The following PKP1 variants were observed in gnomAD, a reference collection of about 807,000 sequenced individuals.
PKP1 encodes plakophilin-1.
In PKP1, 27 loss-of-function variants were observed where a neutral mutation model predicts 76.4. The ratio of observed to expected loss-of-function variants is 0.35; its 90% confidence interval spans 0.26 to 0.49. The LOEUF (loss-of-function observed/expected upper bound fraction) is 0.49. Among genes scored for constraint, PKP1 ranks in the 20% least tolerant of loss-of-function variants. The pLI, the probability that PKP1 is intolerant of heterozygous loss-of-function variation, is 0.99. For missense variants in PKP1, 964 were observed against 955.2 expected (o/e 1.01, Z -0.12); for synonymous variants, 404 against 384.2 (o/e 1.05, Z -0.60).
chr1:201,312,569 C>T (rs1355138922), intron 2 of PKP1, among the ~76,000 whole-genome samples: 1 of 152,226 alleles, frequency 6.6e-6, no homozygotes, highest in Non-Finnish European at 1.5e-5. Flanking sequence ...TGTTCTGCCT[C>T]AGGTGCCGAC....
At chr1:201,323,848 G>A (rs2102184739) in intron 9 of PKP1, among the ~76,000 whole-genome samples, 1 of 152,224 alleles carries the variant, frequency 6.6e-6, no homozygotes, top group East Asian at 1.9e-4. Context: ...ACCTAGACCT[G>A]TTACACCCAG....
chr1:201,303,951 G>T (rs184472882), intron 2 of PKP1, among the ~76,000 whole-genome samples: 1 of 152,136 alleles, frequency 6.6e-6, no homozygotes, highest in African/African-American at 2.4e-5. Flanking sequence ...CCTGCCCCAC[G>T]CCTGGCTGAA....
At position 201,324,114 on chromosome 1, in the gene PKP1, G is replaced by T. The variant is rs955451894; in HGVS notation, c.1681-314G>T. Among the ~76,000 whole-genome samples, 6 of 152,278 alleles carry T rather than the reference G, an allele frequency of 3.9e-5. No homozygotes were observed. In the South Asian group the frequency reaches 6.2e-4, roughly 16 times the overall value. ...GTAATGGGGGCAGCGCTGAGACAGT[G>T]GGGTGAGAGAGCAGCATTGGACGCT... On this transcript the variant is annotated intron_variant, in intron 9 of 13. Coordinates refer to ENST00000367324, the MANE Select transcript of PKP1 (RefSeq NM_001005337.3).
chr1:201,284,536 G>C (rs563261853), intron 1 of PKP1, among the ~76,000 whole-genome samples: 1 of 152,358 alleles, frequency 6.6e-6, no homozygotes, highest in African/African-American at 2.4e-5. Context: ...GTGGCACAGG[G>C]AGCAGGGACG....
In PKP1 at chr1:201,322,006, A is replaced by G. The variant is rs1255743643; in HGVS notation, c.1376A>G (p.His459Arg). Residue 459 changes from histidine (H) to arginine (R), a missense_variant, in exon 8 of 14, where the codon CAC becomes CGC. Physicochemically the swap from His to Arg is conservative, Grantham distance 29. Coordinates refer to ENST00000367324, the MANE Select transcript of PKP1 (RefSeq NM_001005337.3). Reference sequence around the variant, plus strand: ...GTGGAAAACTGCATGTGTGTTCTGCACAACCTCTCCTACCGCCTGGACGCC... The same window carrying G: ...GTGGAAAACTGCATGTGTGTTCTGCGCAACCTCTCCTACCGCCTGGACGCC... ...KSVENCMCVL[H>R]NLSYRLDAEV... 2 of 1,614,086 alleles carry G rather than the reference A, an allele frequency of 1.2e-6. No homozygotes were observed. Among genetic ancestry groups the G allele is most frequent in the East Asian group, 2.2e-5 (1 of 44,882 alleles).
intron 4 of PKP1, among the ~76,000 whole-genome samples, chr1:201,317,329 T>C (rs1161828098): frequency 1.3e-5 from 2 of 152,178 alleles, no homozygotes; most frequent in Non-Finnish European, 2.9e-5. Flanking sequence ...GGACCCTAGC[T>C]GAGGTTCTCC....
chr1:201,325,628 C>T (rs879235065), intron 11 of PKP1, 126 bp from the exon 12 acceptor site: 14 of 757,722 alleles, frequency 1.8e-5, no homozygotes, highest in Admixed American at 1.2e-4. Flanking sequence ...CTCTTTTGCA[C>T]ACCTGAGGCC....
intron 1 of PKP1, among the ~76,000 whole-genome samples, chr1:201,288,967 G>C (rs1046317722): frequency 6.6e-6 from 1 of 152,184 alleles, no homozygotes; most frequent in Non-Finnish European, 1.5e-5. Context: ...TGTTCAGTAC[G>C]TACACCCAGG....
intron 1 of PKP1, 87 bp downstream of exon 1, chr1:201,283,991 C>T: frequency 1.3e-5 from 16 of 1,242,324 alleles, no homozygotes; most frequent in South Asian, 2.5e-5. Context: ...CACGCATCCC[C>T]GGGGATGAGG....
rs754945554 is a variant in PKP1 at position 201,283,897 on chromosome 1, C to A, written c.195C>A (p.Ser65=). The change falls in exon 1 of 14, where the codon TCC becomes TCA. Residue 65 remains serine, a synonymous_variant. Transcript: ENST00000367324. ...KSSQSSTLSH[S]NRGSMYDGLA... ...CCCAGTCGTCCACCCTGAGCCACTC[C>A]AATCGAGGTAAAGGCTCGGCCCCCG... 3 of 1,614,010 alleles carry A rather than the reference C, an allele frequency of 1.9e-6. No homozygotes were observed. The Admixed American group carries it at 5.0e-5, about 27-fold the overall frequency.
At chr1:201,294,086 T>C (rs377001877) in intron 2 of PKP1, 41 bp downstream of exon 2, 35 of 1,373,384 alleles carry the variant, frequency 2.5e-5, no homozygotes, top group Non-Finnish European at 3.6e-5. Context: ...GGAGTACTTG[T>C]GGGGATGGTT....
intron 1 of PKP1, among the ~76,000 whole-genome samples, chr1:201,286,199 T>G (rs1337051392): frequency 6.6e-6 from 1 of 152,194 alleles, no homozygotes; most frequent in Non-Finnish European, 1.5e-5. Context: ...AATGAGCTGG[T>G]AGCTGTGGAA....
chr1:201,292,512 G>A (rs367726003), intron 1 of PKP1, among the ~76,000 whole-genome samples: 7 of 152,182 alleles, frequency 4.6e-5, no homozygotes, highest in African/African-American at 9.7e-5. Flanking sequence ...GTGACCTGGC[G>A]CTGGACAGGG....
chr1:201,324,038 A>G (rs1657030032), intron 9 of PKP1, among the ~76,000 whole-genome samples: 2 of 152,204 alleles, frequency 1.3e-5, no homozygotes, highest in Non-Finnish European at 2.9e-5. Flanking sequence ...TGTTTAATTG[A>G]CAAATACCCT....
chr1:201,319,763 C>A, intron 6 of PKP1: 1 of 1,593,790 alleles, frequency 6.3e-7, no homozygotes, highest in Non-Finnish European at 8.6e-7. Flanking sequence ...AGCCCGGCCA[C>A]CCCCAGATCC....
In PKP1 at chr1:201,312,610, C is replaced by T. The variant is rs189148199; in HGVS notation, c.307-556C>T. ...CCACGTAAAGAAACACTGCACCATT[C>T]GTCATAAAGCCTGGCTTCACTCGAA... On this transcript the variant is annotated intron_variant, in intron 2 of 13. Coordinates refer to ENST00000367324, the MANE Select transcript of PKP1 (RefSeq NM_001005337.3). Among the ~76,000 whole-genome samples the T allele has an allele frequency of 1.4e-3, 211 of 152,276 alleles. 1 individual carries two copies. Among genetic ancestry groups the T allele is most frequent in the Non-Finnish European group, 2.3e-3 (157 of 67,988 alleles).
chr1:201,291,886 C>T (rs879410065), intron 1 of PKP1, among the ~76,000 whole-genome samples: 32 of 152,224 alleles, frequency 2.1e-4, no homozygotes, highest in Non-Finnish European at 4.0e-4. Flanking sequence ...AGCACCAGTC[C>T]TGAGTGACTG....
chr1:201,308,536 A>T (rs535190900), intron 2 of PKP1, among the ~76,000 whole-genome samples: 1 of 152,338 alleles, frequency 6.6e-6, no homozygotes, highest in African/African-American at 2.4e-5. Context: ...GGGCTGGGTT[A>T]GAACAGGCCT....
intron 9 of PKP1, 26 bp downstream of exon 9, chr1:201,323,215 T>C (rs777359955): frequency 1.9e-6 from 3 of 1,607,134 alleles, no homozygotes; most frequent in Non-Finnish European, 2.6e-6. Flanking sequence ...CCTTCTCTAC[T>C]GCAGCAGCCC....
Sources: allele counts gnomAD v4.1 joint callset (sites outside exome capture counted in the v4.1 genomes callset), GRCh38; gene constraint gnomAD v4.1.1; transcripts MANE v1.5; gene names NCBI Gene and HGNC (gene_info 2026-07-23, HGNC 2026-07-21).